Variants in TOP1MT observed in about 807,000 individuals in gnomAD.
The protein encoded by TOP1MT is DNA topoisomerase I mitochondrial.
TOP1MT carries 80 observed loss-of-function variants against 73.9 expected under a neutral mutation model. The observed-to-expected ratio is 1.08, with a 90% CI of 0.90 to 1.30. The LOEUF is 1.30. Ranked by LOEUF, TOP1MT falls within the 50% of genes most tolerant of loss-of-function variation. The pLI is 0.00. For synonymous variants in TOP1MT, 338 were observed against 326.4 expected (o/e 1.04, Z -0.38); for missense variants, 815 against 808.0 (o/e 1.01, Z -0.10).
chr8:143,337,020 G>C (rs573445479), upstream of TOP1MT, among the ~76,000 whole-genome samples: 3 of 152,150 alleles, frequency 2.0e-5, no homozygotes, highest in African/African-American at 7.2e-5. Flanking sequence ...TTTAACAAAG[G>C]AAGTATCAAG....
chr8:143,324,281 G>A lies in TOP1MT; in HGVS notation c.817-139C>T. ...GTCAGGGGCTGGGGCAGCAAATCTA[G>A]CTGGGTGATGCCGGCAGTGAGCACC... On this transcript the variant is annotated intron_variant, in intron 6 of 13. Coordinates refer to ENST00000329245, the MANE Select transcript of TOP1MT (RefSeq NM_052963.3). The A allele has an allele frequency of 2.2e-6, 3 of 1,366,260 alleles. No homozygotes were observed. In the Middle Eastern group the frequency reaches 5.7e-4, roughly 259 times the overall value. The allele number at this position is 1,366,260 out of a possible 1,614,324, so 84.6% of individuals were successfully genotyped here.
At chr8:143,323,106 C>T (rs1477314380) in intron 7 of TOP1MT, among the ~76,000 whole-genome samples, 6 of 141,110 alleles carry the variant, frequency 4.3e-5, no homozygotes, top group Non-Finnish European at 9.1e-5. Context: ...CAAACACGCA[C>T]GCCACACATG....
intron 1 of TOP1MT, among the ~76,000 whole-genome samples, chr8:143,332,971 C>T (rs1816900255): frequency 6.6e-6 from 1 of 152,202 alleles, no homozygotes; most frequent in Non-Finnish European, 1.5e-5. Flanking sequence ...ACCTTTCTTA[C>T]AGGTTTTAGG....
At chr8:143,338,779 C>CT (rs1284623021), upstream of TOP1MT, among the ~76,000 whole-genome samples, 1 of 152,184 alleles carries the variant, frequency 6.6e-6, no homozygotes, top group African/African-American at 2.4e-5. Flanking sequence ...GTGGCACCCA[C>CT]TGCACAAGGC....
upstream of TOP1MT, among the ~76,000 whole-genome samples, chr8:143,337,667 G>A (rs555590205): frequency 6.6e-6 from 1 of 152,308 alleles, no homozygotes; most frequent in African/African-American, 2.4e-5. Context: ...AAATTAGCCA[G>A]GCATGATGGT....
At chr8:143,317,136 G>A (rs973732135) in intron 10 of TOP1MT, among the ~76,000 whole-genome samples, 6 of 152,178 alleles carry the variant, frequency 3.9e-5, no homozygotes, top group African/African-American at 1.4e-4. Flanking sequence ...TGGGCGCCGG[G>A]GTGGGAGGCA....
At chr8:143,330,084 GA>G (rs1816812186) in intron 2 of TOP1MT, among the ~76,000 whole-genome samples, 1 of 152,336 alleles carries the variant, frequency 6.6e-6, no homozygotes, top group Non-Finnish European at 1.5e-5. Flanking sequence ...CATTTGGTAA[GA>G]AGGAGGAAGG....
intron 2 of TOP1MT, 120 bp downstream of exon 2, chr8:143,331,104 C>T: frequency 2.7e-6 from 2 of 739,606 alleles, no homozygotes; most frequent in East Asian, 2.7e-5. Flanking sequence ...GAAGAGGGCA[C>T]AGAGCGCTCA....
chr8:143,359,944 G>C (rs950384495), upstream of TOP1MT: 1 of 152,212 alleles, frequency 6.6e-6, no homozygotes, highest in Non-Finnish European at 1.5e-5. Flanking sequence ...CCGCTTCCCC[G>C]AGGCCTGCGC....
chr8:143,317,788 G>A lies in TOP1MT; in HGVS notation c.1265C>T (p.Ala422Val), dbSNP rs774102132. The change falls in exon 10 of 14, where the codon GCC (alanine) becomes GTC (valine). Residue 422 changes from alanine (A) to valine (V), a missense_variant. This residue lies in a region of TOP1MT where 751 missense variants were observed against 725.4 expected (regional missense o/e 1.04). Transcript: ENST00000329245. ...GGCGTTGTAGGTCCGGAACACCTTG[G>A]CCGTCAGCCCGTCCATCAGCTCCTG... ...HLQELMDGLTAKVFRTYNASI... is the reference protein window; with the variant it reads ...HLQELMDGLTVKVFRTYNASI... 2.5e-6 allele frequency: 4 copies of A among 1,614,204 alleles called. No individual in the cohort carries two copies. The highest frequency in any genetic ancestry group is 3.3e-5 in the Admixed American group (2 of 60,026).
At chr8:143,322,234 CAT>C (rs1491432796) in intron 7 of TOP1MT, among the ~76,000 whole-genome samples, 3 of 57,488 alleles carry the variant, frequency 5.2e-5, no homozygotes, top group African/African-American at 1.2e-4. Flanking sequence ...ACGCCACACA[CAT>C]GCATGCCACA....
chr8:143,323,104 C>G (rs1296434724), intron 7 of TOP1MT, among the ~76,000 whole-genome samples: 1 of 142,524 alleles, frequency 7.0e-6, no homozygotes, highest in Non-Finnish European at 1.5e-5. Flanking sequence ...GCCAAACACG[C>G]ACGCCACACA....
intron 11 of TOP1MT, 50 bp from the exon 12 acceptor site, chr8:143,315,871 C>T (rs775573280): frequency 6.2e-7 from 1 of 1,604,888 alleles, no homozygotes; most frequent in South Asian, 1.1e-5. Flanking sequence ...CCCGCACCAG[C>T]CCCTGTGCCC....
At chr8:143,353,628 G>A (rs755033214) in intron 1 of TOP1MT, among the ~76,000 whole-genome samples, 3 of 152,108 alleles carry the variant, frequency 2.0e-5, no homozygotes, top group Non-Finnish European at 4.4e-5. Flanking sequence ...GCAAGAATGT[G>A]TAAAAACTGG....
intron 10 of TOP1MT, among the ~76,000 whole-genome samples, chr8:143,317,284 G>C (rs1193357667): frequency 6.6e-6 from 1 of 152,186 alleles, no homozygotes; most frequent in Non-Finnish European, 1.5e-5. Context: ...TTGATGGCAG[G>C]GGACAAAGAG....
chr8:143,358,737 GGA>G, upstream of TOP1MT: 4 of 152,150 alleles, frequency 2.6e-5, no homozygotes, highest in Non-Finnish European at 5.9e-5. Flanking sequence ...AGGTGAGCCT[GGA>G]CCCAGGCAGC....
At chr8:143,329,241 C>T (rs1816786075) in intron 3 of TOP1MT, 109 bp downstream of exon 3, 10 of 1,284,940 alleles carry the variant, frequency 7.8e-6, no homozygotes, top group Non-Finnish European at 1.1e-5. Context: ...AGTGGTCACA[C>T]AGGGGCCACC....
chr8:143,323,657 GCTCACCACA>G, intron 7 of TOP1MT, among the ~76,000 whole-genome samples: 1 of 46,448 alleles, frequency 2.2e-5, no homozygotes, highest in South Asian at 1.9e-3. Flanking sequence ...CCACACACAT[GCTCACCACA>G]CACGCACGCC....
chr8:143,354,613 G>A (rs1817376391), intron 1 of TOP1MT, among the ~76,000 whole-genome samples: 1 of 152,122 alleles, frequency 6.6e-6, no homozygotes, highest in Non-Finnish European at 1.5e-5. Context: ...TAGGGAGGCT[G>A]AGGCAGGAGA....
Sources: allele counts gnomAD v4.1 joint callset (sites outside exome capture counted in the v4.1 genomes callset), GRCh38; gene constraint gnomAD v4.1.1; regional missense constraint gnomAD v4.1.1; transcripts MANE v1.5; gene names NCBI Gene and HGNC (gene_info 2026-07-23, HGNC 2026-07-21).